Variants in MYO1D observed in about 807,000 individuals in gnomAD.
MYO1D encodes the protein myosin ID.
A neutral mutation model predicts 122.0 loss-of-function variants in MYO1D; 83 were observed. The observed-to-expected ratio is 0.68, with a 90% CI of 0.57 to 0.82. The LOEUF (loss-of-function observed/expected upper bound fraction) is 0.82. MYO1D is among the 40% of genes least tolerant of loss of function. The pLI is 0.00. For synonymous variants in MYO1D, 464 were observed against 446.9 expected (o/e 1.04, Z -0.48); for missense variants, 1,157 against 1,269.5 (o/e 0.91, Z 1.35).
At chr17:32,875,266 T>C (rs1309830781) in intron 1 of MYO1D, among the ~76,000 whole-genome samples, 1 of 152,224 alleles carries the variant, frequency 6.6e-6, no homozygotes, top group Admixed American at 6.5e-5. Context: ...AATCTCTTAA[T>C]TTAAAACAAC....
intron 20 of MYO1D, among the ~76,000 whole-genome samples, chr17:32,608,019 A>G (rs1311411366): frequency 1.3e-5 from 2 of 152,236 alleles, no homozygotes; most frequent in African/African-American, 4.8e-5. Context: ...TGCAAAATGT[A>G]AAACTAGAAA....
At chr17:32,517,200 C>T (rs779269044) in intron 21 of MYO1D, among the ~76,000 whole-genome samples, 3 of 152,238 alleles carry the variant, frequency 2.0e-5, no homozygotes, top group Non-Finnish European at 4.4e-5. Context: ...TAGGTCACTG[C>T]TGCCCAGGCA....
intron 21 of MYO1D, among the ~76,000 whole-genome samples, chr17:32,594,722 C>A (rs1465219743): frequency 6.6e-6 from 1 of 152,192 alleles, no homozygotes; most frequent in African/African-American, 2.4e-5. Context: ...ACATAAAGGG[C>A]ATATGGATTT....
intron 1 of MYO1D, among the ~76,000 whole-genome samples, chr17:32,861,037 G>C (rs1042474269): frequency 7.2e-5 from 11 of 151,918 alleles, no homozygotes; most frequent in Admixed American, 5.9e-4. Context: ...TATACTATAG[G>C]GATCACGTCT....
chr17:32,872,563 C>T (rs978097615), intron 1 of MYO1D, among the ~76,000 whole-genome samples: 5 of 151,588 alleles, frequency 3.3e-5, no homozygotes, highest in Admixed American at 6.6e-5. Context: ...CGTGAGCCAC[C>T]GCGCCCGGCC....
intron 1 of MYO1D, among the ~76,000 whole-genome samples, chr17:32,809,984 G>A (rs1257391833): frequency 6.6e-6 from 1 of 152,190 alleles, no homozygotes; most frequent in Admixed American, 6.5e-5. Flanking sequence ...CAGTGGGAAA[G>A]GGCTAAGTAA....
chr17:32,838,685 G>A (rs894655674), intron 1 of MYO1D, among the ~76,000 whole-genome samples: 1 of 152,054 alleles, frequency 6.6e-6, no homozygotes, highest in Admixed American at 6.6e-5. Flanking sequence ...GGGCTTCATC[G>A]GGGGCAAAGT....
chr17:32,580,030 A>G (rs957119684), intron 21 of MYO1D, among the ~76,000 whole-genome samples: 6 of 152,198 alleles, frequency 3.9e-5, no homozygotes, highest in Non-Finnish European at 7.3e-5. Flanking sequence ...AATATGTGGC[A>G]GGGATATGTT....
intron 21 of MYO1D, among the ~76,000 whole-genome samples, chr17:32,499,496 T>C (rs1003427614): frequency 1.3e-5 from 2 of 151,846 alleles, no homozygotes; most frequent in Non-Finnish European, 2.9e-5. Flanking sequence ...TAGCTGGGTG[T>C]GGTGGTGCAT....
At chr17:32,618,004 G>C (rs886324397) in intron 20 of MYO1D, among the ~76,000 whole-genome samples, 4 of 152,126 alleles carry the variant, frequency 2.6e-5, no homozygotes, top group African/African-American at 9.7e-5. Flanking sequence ...AGTTGTTATG[G>C]TGAATGTTAA....
chr17:32,610,182 C>T (rs1403889068), intron 20 of MYO1D, among the ~76,000 whole-genome samples: 1 of 152,114 alleles, frequency 6.6e-6, no homozygotes, highest in Non-Finnish European at 1.5e-5. Context: ...TTCCTAGGTG[C>T]TACCTGGACC....
chr17:32,821,541 T>TACACACAC (rs34745639), intron 1 of MYO1D, among the ~76,000 whole-genome samples: 1 of 131,090 alleles, frequency 7.6e-6, no homozygotes, highest in Non-Finnish European at 1.8e-5. Context: ...AAATCACACA[T>TACACACAC]ACACACACAC....
intron 21 of MYO1D, among the ~76,000 whole-genome samples, chr17:32,560,847 C>T (rs1248280831): frequency 1.3e-5 from 2 of 149,858 alleles, no homozygotes; most frequent in African/African-American, 2.5e-5. Context: ...TTCAAATTCC[C>T]GATCTCGTGA....
At chr17:32,807,613 C>T (rs1297889058) in intron 1 of MYO1D, among the ~76,000 whole-genome samples, 2 of 152,138 alleles carry the variant, frequency 1.3e-5, no homozygotes, top group East Asian at 1.9e-4. Context: ...TAGCTCTGCC[C>T]GGCAGGCTGT....
intron 21 of MYO1D, among the ~76,000 whole-genome samples, chr17:32,590,289 G>A (rs913827290): frequency 3.3e-5 from 5 of 152,248 alleles, no homozygotes; most frequent in African/African-American, 9.6e-5. Flanking sequence ...TCTATGGGGA[G>A]CATCTCACCT....
chr17:32,508,812 T>TA (rs1337642649), intron 21 of MYO1D, among the ~76,000 whole-genome samples: 3 of 152,198 alleles, frequency 2.0e-5, no homozygotes, highest in African/African-American at 7.2e-5. Context: ...GTCCAAGTCT[T>TA]AACCTCTATG....
intron 21 of MYO1D, among the ~76,000 whole-genome samples, chr17:32,604,308 T>TGG (rs2087599882): frequency 6.6e-6 from 1 of 152,076 alleles, no homozygotes; most frequent in Non-Finnish European, 1.5e-5. Flanking sequence ...TTTTGATGAG[T>TGG]GGTCTTCTCC....
intron 16 of MYO1D, among the ~76,000 whole-genome samples, chr17:32,687,352 A>G (rs2346037): frequency 0.16 from 25,016 of 151,702 alleles, 2,440 homozygotes; most frequent in Middle Eastern, 0.3. Flanking sequence ...ACCTGCCACC[A>G]CGCCCGGCTA....
chr17:32,738,401 A>G lies in MYO1D; in HGVS notation c.1614-16T>C, dbSNP rs773272862. The G allele has an allele frequency of 7.1e-6, 11 of 1,549,560 alleles. No homozygotes were observed. Among genetic ancestry groups the G allele is most frequent in the Middle Eastern group, 1.7e-4 (1 of 5,864 alleles). ...AGGATTTGAACTGAGAAGCACAGAA[A>G]AAACAATTCAAATGTCACATTCAAA... On this transcript the variant is annotated splice_polypyrimidine_tract_variant and intron_variant, in intron 13 of 21. Transcript: ENST00000318217.
Sources: allele counts gnomAD v4.1 joint callset (sites outside exome capture counted in the v4.1 genomes callset), GRCh38; gene constraint gnomAD v4.1.1; transcripts MANE v1.5; gene names NCBI Gene and HGNC (gene_info 2026-07-23, HGNC 2026-07-21).